EXOC6B: variants seen among roughly 807,000 people sequenced by gnomAD.
The protein encoded by EXOC6B is SEC15 homolog B.
A neutral mutation model predicts 113.5 loss-of-function variants in EXOC6B; 54 were observed. The observed-to-expected ratio is 0.48, with a 90% CI of 0.38 to 0.60. The LOEUF (loss-of-function observed/expected upper bound fraction) is 0.60, where lower values mean the gene tolerates loss of function less well. Among genes scored for constraint, EXOC6B ranks in the 20% least tolerant of loss-of-function variants. The probability of loss-of-function intolerance (pLI) is 0.00; values close to 1 mark genes in which losing one functional copy is unlikely to be tolerated. For synonymous variants in EXOC6B, 357 were observed against 339.0 expected (o/e 1.05, Z -0.58); for missense variants, 797 against 977.5 (o/e 0.82, Z 2.46).
At chr2:72,323,897 T>C (rs1353759565) in intron 20 of EXOC6B, among the ~76,000 whole-genome samples, 1 of 151,988 alleles carries the variant, frequency 6.6e-6, no homozygotes, top group Non-Finnish European at 1.5e-5. Context: ...GATGGGTTGA[T>C]GGGTGCAGCA....
chr2:72,627,787 T>C (rs1409478487), intron 6 of EXOC6B, among the ~76,000 whole-genome samples: 2 of 152,218 alleles, frequency 1.3e-5, no homozygotes, highest in African/African-American at 4.8e-5. Flanking sequence ...TTTCTCATTT[T>C]TAGTTATGTT....
chr2:72,322,309 A>C (rs1186680695), intron 20 of EXOC6B, among the ~76,000 whole-genome samples: 1 of 152,238 alleles, frequency 6.6e-6, no homozygotes, highest in African/African-American at 2.4e-5. Context: ...GAATCAAAGA[A>C]GCCAGACACA....
intron 18 of EXOC6B, among the ~76,000 whole-genome samples, chr2:72,401,827 C>CA (rs1693355168): frequency 6.8e-6 from 1 of 147,250 alleles, no homozygotes; most frequent in Non-Finnish European, 1.5e-5. Context: ...AGCATAAATA[C>CA]AAAAAATTAA....
intron 18 of EXOC6B, among the ~76,000 whole-genome samples, chr2:72,419,989 C>G (rs1056365377): frequency 3.3e-5 from 5 of 152,064 alleles, no homozygotes; most frequent in Non-Finnish European, 5.9e-5. Flanking sequence ...TTTCTTCAAT[C>G]TTTTGGCTTT....
At chr2:72,408,193 C>A (rs1693915784) in intron 18 of EXOC6B, among the ~76,000 whole-genome samples, 2 of 152,134 alleles carry the variant, frequency 1.3e-5, no homozygotes, top group South Asian at 4.1e-4. Flanking sequence ...GAACTACAAA[C>A]CACTGCTCAG....
intron 19 of EXOC6B, among the ~76,000 whole-genome samples, chr2:72,351,385 G>T (rs990262871): frequency 6.6e-6 from 1 of 152,162 alleles, no homozygotes; most frequent in Non-Finnish European, 1.5e-5. Context: ...CAGAGGAAGT[G>T]AAATAAATAC....
chr2:72,645,382 G>T (rs1035977637), intron 6 of EXOC6B, among the ~76,000 whole-genome samples: 50 of 152,074 alleles, frequency 3.3e-4, no homozygotes, highest in Non-Finnish European at 7.1e-4. Context: ...ACAGATAAAT[G>T]AGACAGAAGG....
At chr2:72,643,709 C>T (rs989307248) in intron 6 of EXOC6B, among the ~76,000 whole-genome samples, 20 of 147,606 alleles carry the variant, frequency 1.4e-4, no homozygotes, top group African/African-American at 3.0e-4. Context: ...CACATGTATA[C>T]GTATGTAACT....
At chr2:72,684,017 C>T (rs1676906026) in intron 6 of EXOC6B, among the ~76,000 whole-genome samples, 1 of 152,108 alleles carries the variant, frequency 6.6e-6, no homozygotes, top group Admixed American at 6.5e-5. Flanking sequence ...CTGCAACCTC[C>T]GCTTCCCGGG....
At chr2:72,787,349 T>C (rs973754084) in intron 1 of EXOC6B, among the ~76,000 whole-genome samples, 3 of 151,704 alleles carry the variant, frequency 2.0e-5, no homozygotes, top group African/African-American at 4.8e-5. Flanking sequence ...GTAGCTGAGA[T>C]TATAAGCATG....
chr2:72,229,850 G>A (rs1681492728), intron 20 of EXOC6B, among the ~76,000 whole-genome samples: 1 of 152,200 alleles, frequency 6.6e-6, no homozygotes, highest in Admixed American at 6.5e-5. Flanking sequence ...AATTTACACT[G>A]TTAGGGAAGC....
chr2:72,264,108 T>A (rs1400579725), intron 20 of EXOC6B, among the ~76,000 whole-genome samples: 1 of 152,204 alleles, frequency 6.6e-6, no homozygotes, highest in Non-Finnish European at 1.5e-5. Context: ...GCAGATGTCA[T>A]ATACTGTATG....
chr2:72,474,353 G>C (rs745639743), intron 17 of EXOC6B, among the ~76,000 whole-genome samples: 5 of 152,000 alleles, frequency 3.3e-5, no homozygotes, highest in Non-Finnish European at 7.4e-5. Flanking sequence ...CATTAAGTAA[G>C]TTTTCCAACT....
At chr2:72,736,196 A>T (rs542128376) in intron 2 of EXOC6B, among the ~76,000 whole-genome samples, 3 of 149,856 alleles carry the variant, frequency 2.0e-5, no homozygotes, top group Admixed American at 6.6e-5. Flanking sequence ...AAAAAATTAA[A>T]AAAAAAAAAA....
At chr2:72,212,711 G>A (rs1421731749) in intron 20 of EXOC6B, among the ~76,000 whole-genome samples, 1 of 152,192 alleles carries the variant, frequency 6.6e-6, no homozygotes, top group Admixed American at 6.5e-5. Context: ...TGTATGGAGA[G>A]TGACAACTCT....
chr2:72,662,428 T>C (rs1048516427), intron 6 of EXOC6B, among the ~76,000 whole-genome samples: 9 of 152,156 alleles, frequency 5.9e-5, no homozygotes, highest in African/African-American at 2.2e-4. Flanking sequence ...AGGACTTGTA[T>C]CCAGAATACA....
chr2:72,707,162 G>A (rs1238803794), intron 6 of EXOC6B, among the ~76,000 whole-genome samples: 1 of 152,114 alleles, frequency 6.6e-6, no homozygotes, highest in Non-Finnish European at 1.5e-5. Flanking sequence ...GATTTTACAA[G>A]CATAATAAAA....
At chr2:72,622,844 T>C (rs1398090917) in intron 6 of EXOC6B, among the ~76,000 whole-genome samples, 1 of 152,218 alleles carries the variant, frequency 6.6e-6, no homozygotes, top group Admixed American at 6.5e-5. Context: ...AAATACCAAG[T>C]GTAGTTAGAA....
At chr2:72,458,655 G>A (rs189314513) in intron 18 of EXOC6B, among the ~76,000 whole-genome samples, 2 of 152,114 alleles carry the variant, frequency 1.3e-5, no homozygotes, top group East Asian at 3.9e-4. Flanking sequence ...AGGTAAAAAC[G>A]ACAGTTTAGA....
Sources: gnomAD v4.1 joint callset for allele counts (sites outside exome capture counted in the v4.1 genomes callset) on GRCh38, gnomAD v4.1.1 for gene constraint, MANE v1.5 for transcripts, NCBI Gene and HGNC (gene_info 2026-07-23, HGNC 2026-07-21) for gene names.